PKMYT1: variants seen among roughly 807,000 people sequenced by gnomAD.
PKMYT1 encodes protein kinase, membrane associated tyrosine/threonine 1, also known as membrane-associated tyrosine- and threonine-specific cdc2-inhibitory kinase.
A neutral mutation model predicts 49.7 loss-of-function variants in PKMYT1; 35 were observed. The observed-to-expected ratio is 0.70, with a 90% CI of 0.54 to 0.93. The LOEUF is 0.93. PKMYT1 is among the 40% of genes least tolerant of loss of function. The pLI is 0.00. For missense variants in PKMYT1, 677 were observed against 673.1 expected, an observed-to-expected ratio of 1.01 and a Z score of -0.06; for synonymous variants, 331 against 287.6, an observed-to-expected ratio of 1.15 and a Z score of -1.53.
intron 3 of PKMYT1, 80 bp downstream of exon 3, chr16:2,976,584 A>C: frequency 7.3e-7 from 1 of 1,365,280 alleles, no homozygotes; most frequent in East Asian, 2.6e-5. Flanking sequence ...CAGGCTGCCC[A>C]GGACACTGTC....
intron 7 of PKMYT1, chr16:2,973,427 C>T (rs1468022736): frequency 1.3e-6 from 2 of 1,532,356 alleles, no homozygotes; most frequent in African/African-American, 2.7e-5. Flanking sequence ...CCCCCTCTGT[C>T]CTTTTCAGAA....
chr16:2,973,964 T>C lies in PKMYT1; in HGVS notation c.1310+36A>G, dbSNP rs772954810. 3 of 1,593,226 alleles carry C rather than the reference T, an allele frequency of 1.9e-6. No individual in the cohort carries two copies. In the South Asian group the frequency reaches 3.4e-5, roughly 18 times the overall value. Reference sequence around the variant, plus strand: ...GGAGCCCCGGTGATATCCCCCACCTTCCCCCTAGCCCCCCATACCCTGCAC... The same window carrying C: ...GGAGCCCCGGTGATATCCCCCACCTCCCCCCTAGCCCCCCATACCCTGCAC... On this transcript the variant is annotated intron_variant, in intron 7 of 8. Coordinates refer to ENST00000262300, the MANE Select transcript of PKMYT1 (RefSeq NM_004203.5).
chr16:2,976,755 C>G lies in PKMYT1; in HGVS notation c.287G>C (p.Gly96Ala). The G allele has an allele frequency of 6.4e-7, 1 of 1,556,470 alleles. No homozygotes were observed. Residue 96 changes from glycine to alanine, a missense_variant, in exon 3 of 9, where the codon GGG becomes GCG. Gly to Ala is a moderately conservative substitution (Grantham distance 60). Coordinates refer to ENST00000262300, the MANE Select transcript of PKMYT1 (RefSeq NM_004203.5). ...GGACTCTGGCCGGCTTGGGTCATACCCAGGGCTCTGCAGAGTCTCTGAGGC... is the reference window on the plus strand; with the variant it reads ...GGACTCTGGCCGGCTTGGGTCATACGCAGGGCTCTGCAGAGTCTCTGAGGC... Reference protein sequence around the residue: ...GEASETLQSPGYDPSRPESFF... With the variant: ...GEASETLQSPAYDPSRPESFF...
At position 2,973,156 on chromosome 16, in the gene PKMYT1, CG is replaced by C; in HGVS notation, c.1369del (p.Arg457GlyfsTer12). The C allele has an allele frequency of 2.6e-6, 4 of 1,541,788 alleles. No individual in the cohort carries two copies. Among genetic ancestry groups the C allele is most frequent in the Non-Finnish European group, 3.5e-6 (4 of 1,137,976 alleles). ...TGCTTACCTGGGTGTGCACCTGCTC[CG>C]GGGGGTGGAGGTGCTCCCCACAGTC... ...ARTVGSTSTP[R>X]SRCTPRDALD... On this transcript the variant is annotated frameshift_variant, in exon 8 of 9. Transcript: ENST00000262300. LOFTEE classifies it high-confidence loss of function.
At chr16:2,977,730 A>C (rs1483759846) in intron 2 of PKMYT1, among the ~76,000 whole-genome samples, 1 of 151,644 alleles carries the variant, frequency 6.6e-6, no homozygotes, top group East Asian at 1.9e-4. Flanking sequence ...CACCTCCAGC[A>C]CCCCTCTCCC....
At position 2,979,960 on chromosome 16, in the gene PKMYT1, T is replaced by C. The variant is rs181949038; in HGVS notation, c.-255-48A>G. On this transcript the variant is annotated intron_variant, in intron 1 of 8. Coordinates refer to ENST00000262300, the MANE Select transcript of PKMYT1 (RefSeq NM_004203.5). Reference sequence around the variant, plus strand: ...GGCTGTCACGAGGGAAGAGGGGCTGTTGCAGAAGAAGAGAGGCTGTCCCGG... The same window carrying C: ...GGCTGTCACGAGGGAAGAGGGGCTGCTGCAGAAGAAGAGAGGCTGTCCCGG... The C allele has an allele frequency of 4.6e-3, 2,171 of 470,876 alleles. 35 individuals are homozygous for C. The highest frequency in any genetic ancestry group is 0.038 in the African/African-American group (1,916 of 50,570). The allele number at this position is 470,876 out of a possible 1,614,324, so 29.2% of individuals were successfully genotyped here.
chr16:2,979,658 G>A lies in PKMYT1; in HGVS notation c.-1C>T. ...TGCCCTACGACTTACGTTCTAGCAT[G>A]ACTGGCCTGGCCCAACAGCCTCAGT... On this transcript the variant is annotated 5_prime_UTR_variant, in exon 2 of 9. Transcript: ENST00000262300. 6.2e-7 allele frequency: 1 copy of A among 1,613,500 alleles called. No individual in the cohort carries two copies. The highest frequency in any genetic ancestry group is 8.5e-7 in the Non-Finnish European group (1 of 1,179,482).
intron 5 of PKMYT1, 66 bp from the exon 6 acceptor site, chr16:2,974,483 C>G: frequency 6.5e-7 from 1 of 1,545,570 alleles, no homozygotes; most frequent in South Asian, 1.2e-5. Context: ...CCAGCAGTGC[C>G]TCCATGGCCA....
chr16:2,979,575 C>A (rs1232936158), intron 2 of PKMYT1, 73 bp downstream of exon 2: 3 of 1,275,546 alleles, frequency 2.4e-6, no homozygotes, highest in Non-Finnish European at 3.4e-6. Context: ...CCAGGCCCAA[C>A]CCTGGCACAC....
chr16:2,977,160 A>T, intron 2 of PKMYT1, 129 bp from the exon 3 acceptor site: 2 of 1,492,834 alleles, frequency 1.3e-6, no homozygotes, highest in East Asian at 5.0e-5. Context: ...TTTAAACGGC[A>T]ATGGGAGCAA....
chr16:2,974,807 G>C lies in PKMYT1; in HGVS notation c.873-151C>G. The C allele has an allele frequency of 4.9e-6, 3 of 610,298 alleles. No individual in the cohort carries two copies. The South Asian group carries it at 5.8e-5, about 12-fold the overall frequency. The allele number at this position is 610,298 out of a possible 1,614,324, so 37.8% of individuals were successfully genotyped here. ...AGCAGGGGGAAGGGACACCCCAACA[G>C]GCCTGATCATGAACCCTGGGCAGGA... On this transcript the variant is annotated intron_variant, in intron 4 of 8. Transcript: ENST00000262300.
intron 4 of PKMYT1, 121 bp downstream of exon 4, chr16:2,975,198 T>C (rs2072152179): frequency 8.1e-7 from 1 of 1,233,684 alleles, no homozygotes; most frequent in Admixed American, 2.7e-5. Context: ...CGTCTCAGCC[T>C]TGTGGCTCTG....
Position 2,977,038 on chromosome 16 carries a change from G to A in PKMYT1, c.11-7C>T, listed in dbSNP as rs4149785. On this transcript the variant is annotated splice_region_variant and splice_polypyrimidine_tract_variant and intron_variant, in intron 2 of 8. Coordinates refer to ENST00000262300, the MANE Select transcript of PKMYT1 (RefSeq NM_004203.5). ...ATGGCCAGTGCAGGAGGCCCTGGGGGCAGAGACAGAGGCTGAGTACAGGGC... is the reference window on the plus strand; with the variant it reads ...ATGGCCAGTGCAGGAGGCCCTGGGGACAGAGACAGAGGCTGAGTACAGGGC... The A allele has an allele frequency of 7.1e-4, 1,126 of 1,589,336 alleles. 11 individuals carry two copies. In the South Asian group the frequency reaches 7.6e-3, roughly 11 times the overall value.
Position 2,975,739 on chromosome 16 carries a change from C to G in PKMYT1, c.452G>C (p.Arg151Pro). ...SMSPFRGPKD[R>P]ARKLAEVGSH... ...GCCCACCTCGGCCAACTTGCGGGCC[C>G]GGTCCTTGGGGCCCCGGAATGGTGA... The change falls in exon 4 of 9, where the codon CGG (arginine) becomes CCG (proline). Residue 151 changes from arginine to proline, a missense_variant. Coordinates refer to ENST00000262300, the MANE Select transcript of PKMYT1 (RefSeq NM_004203.5). The G allele has an allele frequency of 6.2e-7, 1 of 1,602,874 alleles. No homozygotes were observed. The highest frequency in any genetic ancestry group is 8.5e-7 in the Non-Finnish European group (1 of 1,179,904).
intron 2 of PKMYT1, chr16:2,977,465 T>C (rs565966429): frequency 1.0e-6 from 1 of 996,808 alleles, no homozygotes; most frequent in South Asian, 4.5e-5. Flanking sequence ...CTCAAGTGTC[T>C]TTCTTTTTCA....
chr16:2,972,926 T>A lies in PKMYT1; in HGVS notation c.*27A>T, dbSNP rs749253310. ...ACGGGAGAGACACAGGATAAAAGGT[T>A]AAAAGTGCAGAGGCAGAGTCTGGGG... On this transcript the variant is annotated 3_prime_UTR_variant, in exon 9 of 9. Coordinates refer to ENST00000262300, the MANE Select transcript of PKMYT1 (RefSeq NM_004203.5). 6.3e-7 allele frequency: 1 copy of A among 1,580,858 alleles called. No homozygotes were observed. The highest frequency in any genetic ancestry group is 8.6e-7 in the Non-Finnish European group (1 of 1,162,922).
Position 2,974,119 on chromosome 16 carries a change from C to T in PKMYT1, c.1191G>A (p.Leu397=), listed in dbSNP as rs145047506. ...LALLCWLWHG[L]AHPASWLQPL... Reference sequence around the variant, plus strand: ...GCTGTAGCCAGCTGGCAGGGTGAGCCAGCCCATGCCAGAGCCAGCAGAGCA... The same window carrying T: ...GCTGTAGCCAGCTGGCAGGGTGAGCTAGCCCATGCCAGAGCCAGCAGAGCA... Residue 397 remains leucine (L), a synonymous_variant, in exon 7 of 9, where the codon CTG becomes CTA. Coordinates refer to ENST00000262300, the MANE Select transcript of PKMYT1 (RefSeq NM_004203.5). The T allele has an allele frequency of 9.6e-4, 1,534 of 1,605,168 alleles. 5 individuals are homozygous for T. Among genetic ancestry groups the T allele is most frequent in the Non-Finnish European group, 1.0e-3 (1,229 of 1,176,212 alleles).
rs771704108 is a variant in PKMYT1, at chr16:2,976,744, T to C, written c.298A>G (p.Ser100Gly). ...TGCTGGAAGAAGGACTCTGGCCGGCTTGGGTCATACCCAGGGCTCTGCAGA... is the reference window on the plus strand; with the variant it reads ...TGCTGGAAGAAGGACTCTGGCCGGCCTGGGTCATACCCAGGGCTCTGCAGA... ...ETLQSPGYDP[S>G]RPESFFQQSF... The change falls in exon 3 of 9, where the codon AGC (serine) becomes GGC (glycine). Residue 100 changes from serine to glycine, a missense_variant. Ser to Gly is a moderately conservative substitution (Grantham distance 56). Coordinates refer to ENST00000262300, the MANE Select transcript of PKMYT1 (RefSeq NM_004203.5). The C allele has an allele frequency of 6.6e-7, 1 of 1,516,744 alleles. No homozygotes were observed. Among genetic ancestry groups the C allele is most frequent in the South Asian group, 1.3e-5 (1 of 76,706 alleles). 94.0% of individuals were successfully genotyped at this position (1,516,744 alleles called of 1,614,324 possible). A position where few individuals can be genotyped will look rare whatever the true frequency, so the allele number is the denominator to read the frequency against.
chr16:2,973,060 C>T lies in PKMYT1; in HGVS notation c.1393G>A (p.Ala465Thr), dbSNP rs1452620590. Residue 465 changes from alanine (A) to threonine (T), a missense_variant, in exon 9 of 9, where the codon GCC becomes ACC. Physicochemically the swap from Ala to Thr is moderately conservative, Grantham distance 58 (BLOSUM62 0). Coordinates refer to ENST00000262300, the MANE Select transcript of PKMYT1 (RefSeq NM_004203.5). ...GAGTTGATGTCACTTAGGTCCAGGG[C>T]ATCCCTGGGAGGAGAGAGTAGTGAC... ...TPRSRCTPRD[A>T]LDLSDINSEP... The T allele has an allele frequency of 3.1e-6, 5 of 1,602,120 alleles. No individual in the cohort carries two copies. Among genetic ancestry groups the T allele is most frequent in the Non-Finnish European group, 4.3e-6 (5 of 1,175,464 alleles).
Sources: allele counts gnomAD v4.1 joint callset (sites outside exome capture counted in the v4.1 genomes callset), GRCh38; gene constraint gnomAD v4.1.1; transcripts MANE v1.5; gene names NCBI Gene and HGNC (gene_info 2026-07-23, HGNC 2026-07-21).